ZPBP: variants seen among roughly 807,000 people sequenced by gnomAD.
The protein encoded by ZPBP is zona pellucida binding protein.
A neutral mutation model predicts 44.8 loss-of-function variants in ZPBP; 26 were observed. The observed-to-expected ratio is 0.58, with a 90% CI of 0.43 to 0.81. The LOEUF is 0.81. Among genes scored for constraint, ZPBP ranks in the 30% least tolerant of loss-of-function variants. ZPBP has a pLI of 0.00. For synonymous variants in ZPBP, 174 were observed against 153.2 expected (o/e 1.14, Z -1.00); for missense variants, 409 against 434.0 (o/e 0.94, Z 0.51).
chr7:49,884,770 G>GA (rs1041847608), intron 2 of ZPBP, among the ~76,000 whole-genome samples: 40 of 150,548 alleles, frequency 2.7e-4, no homozygotes, highest in Admixed American at 2.3e-3. Flanking sequence ...CATAAACGGG[G>GA]AAAAAAATAA....
chr7:50,031,051 G>T, intron 5 of ZPBP, 41 bp downstream of exon 5: 1 of 1,553,374 alleles, frequency 6.4e-7, no homozygotes, highest in Non-Finnish European at 8.9e-7. Flanking sequence ...TATTAGTTAT[G>T]TGTTCTCCAT....
At chr7:50,054,640 A>G (rs571504215) in intron 4 of ZPBP, among the ~76,000 whole-genome samples, 1 of 152,190 alleles carries the variant, frequency 6.6e-6, no homozygotes, top group South Asian at 2.1e-4. Flanking sequence ...ACTTCTTACA[A>G]TCCAGGTAAT....
chr7:49,852,740 C>T lies in ZPBP; in HGVS notation n.510-2226G>A, dbSNP rs546839528. ...TCAAAATCTGCGGGATTTAAGTGAT[C>T]GTCTTAATCAACTTCTTCCAAACCC... On this transcript the variant is annotated intron_variant and non_coding_transcript_variant, in intron 2 of 2. Transcript: ENST00000465922. 6.2e-4 allele frequency among the ~76,000 whole-genome samples: 94 copies of T among 152,198 alleles called. 1 individual carries two copies. The highest frequency in any genetic ancestry group is 2.0e-3 in the African/African-American group (82 of 41,508).
At chr7:49,843,630 G>A in the ZPBP span, among the ~76,000 whole-genome samples, 3 of 152,288 alleles carry the variant, frequency 2.0e-5, no homozygotes, top group Middle Eastern at 3.4e-3. Context: ...TGTCCACAAC[G>A]TAGGTAAAGA....
chr7:50,091,615 T>G (rs1354406151), intron 1 of ZPBP, among the ~76,000 whole-genome samples: 1 of 152,212 alleles, frequency 6.6e-6, no homozygotes, highest in East Asian at 1.9e-4. Flanking sequence ...TTTTCCTTAT[T>G]AGATTATAAG....
intron 1 of ZPBP, among the ~76,000 whole-genome samples, chr7:49,911,397 G>A (rs924515831): frequency 1.0e-4 from 15 of 144,480 alleles, no homozygotes; most frequent in African/African-American, 2.6e-4. Context: ...CAGGAGAATC[G>A]CTTGAACCCC....
At chr7:49,929,039 A>G (rs1266794669) in intron 1 of ZPBP, among the ~76,000 whole-genome samples, 1 of 152,178 alleles carries the variant, frequency 6.6e-6, no homozygotes, top group Non-Finnish European at 1.5e-5. Context: ...CACCTTTCAC[A>G]GTGGCCTGGA....
At chr7:49,921,447 A>G (rs568023337) in intron 1 of ZPBP, 9 of 152,324 alleles carry the variant, frequency 5.9e-5, no homozygotes, top group African/African-American at 1.9e-4. Context: ...GGCAGTAAAG[A>G]CTTTGGCCTT....
intron 2 of ZPBP, among the ~76,000 whole-genome samples, chr7:49,877,205 T>C (rs911091981): frequency 4.0e-5 from 6 of 151,858 alleles, no homozygotes; most frequent in African/African-American, 1.5e-4. Flanking sequence ...CTCATGCCTG[T>C]AATCCCAGCA....
At chr7:49,979,582 AT>A (rs1022259336) in intron 7 of ZPBP, among the ~76,000 whole-genome samples, 2 of 151,650 alleles carry the variant, frequency 1.3e-5, no homozygotes, top group African/African-American at 4.8e-5. Context: ...TACAAAAAAA[AT>A]TTTTAATGAT....
chr7:50,090,321 C>T (rs1802887700), intron 1 of ZPBP, among the ~76,000 whole-genome samples: 1 of 151,858 alleles, frequency 6.6e-6, no homozygotes, highest in Admixed American at 6.6e-5. Context: ...CATAGCTTAG[C>T]TCCCACTTAT....
chr7:49,999,790 C>A (rs1303271443), intron 6 of ZPBP, among the ~76,000 whole-genome samples: 2 of 152,278 alleles, frequency 1.3e-5, no homozygotes, highest in East Asian at 3.9e-4. Context: ...CTCAGTCGAA[C>A]AATTCAAATG....
At chr7:50,031,044 T>A in intron 5 of ZPBP, 48 bp downstream of exon 5, 1 of 1,522,392 alleles carries the variant, frequency 6.6e-7, no homozygotes, top group Non-Finnish European at 9.1e-7. Context: ...TTTTAACTAT[T>A]AGTTATGTGT....
chr7:49,926,147 G>A (rs570335181), intron 1 of ZPBP, among the ~76,000 whole-genome samples: 1 of 152,224 alleles, frequency 6.6e-6, no homozygotes, highest in South Asian at 2.1e-4. Flanking sequence ...ATCAATCCTG[G>A]CCAATAGAGA....
intron 6 of ZPBP, among the ~76,000 whole-genome samples, chr7:50,011,882 T>C (rs962876579): frequency 2.0e-5 from 3 of 151,862 alleles, no homozygotes; most frequent in Non-Finnish European, 4.4e-5. Context: ...AAACCCCGTC[T>C]CTACTAAAAA....
rs1487250052 is a variant in ZPBP, at chr7:49,911,912, A to AATACACGCAC, written n.412-10698_412-10697insGTGCGTGTAT. 2.4e-5 allele frequency: 9 copies of AATACACGCAC among 379,570 alleles called. No individual in the cohort carries two copies. The East Asian group carries it at 4.5e-4, about 19-fold the overall frequency. The allele number at this position is 379,570 out of a possible 1,614,324, so 23.5% of individuals were successfully genotyped here. A position where few individuals can be genotyped will look rare whatever the true frequency, so the allele number is the denominator to read the frequency against. ...ACTCTGTCTCAAAAACAAACAAACAAACAAATACACGCACACACACACACA... is the reference window on the plus strand; with the variant it reads ...ACTCTGTCTCAAAAACAAACAAACAAATACACGCACACAAATACACGCACACACACACACA... On this transcript the variant is annotated intron_variant and non_coding_transcript_variant, in intron 1 of 2. Coordinates refer to the ZPBP transcript ENST00000465922.
intron 1 of ZPBP, among the ~76,000 whole-genome samples, chr7:49,903,335 A>G (rs1450719743): frequency 2.6e-5 from 4 of 152,212 alleles, no homozygotes; most frequent in Non-Finnish European, 2.9e-5. Flanking sequence ...CTGGAAAAAA[A>G]CAAAATGCCA....
chr7:49,931,975 G>T (rs1455166510), intron 1 of ZPBP, among the ~76,000 whole-genome samples: 2 of 152,238 alleles, frequency 1.3e-5, no homozygotes, highest in African/African-American at 4.8e-5. Context: ...CCCAAGCCTT[G>T]TAAATTTACA....
At chr7:49,844,956 T>C in the ZPBP span, among the ~76,000 whole-genome samples, 4 of 152,228 alleles carry the variant, frequency 2.6e-5, no homozygotes, top group African/African-American at 9.6e-5. Context: ...GTGCTGGAAT[T>C]ACAGGCAGCA....
Sources: gnomAD v4.1 joint callset for allele counts (sites outside exome capture counted in the v4.1 genomes callset) on GRCh38, gnomAD v4.1.1 for gene constraint, MANE v1.5 for transcripts, NCBI Gene and HGNC (gene_info 2026-07-23, HGNC 2026-07-21) for gene names.